The following CREBL2 variants were observed in gnomAD, a reference collection of about 807,000 sequenced individuals.
CREBL2 encodes the protein cAMP responsive element binding protein like 2, also known as cAMP-responsive element-binding protein-like 2.
CREBL2 carries 4 observed loss-of-function variants against 19.5 expected under a neutral mutation model. That is an observed-to-expected ratio of 0.20 (90% CI 0.10 to 0.47). The LOEUF is 0.47. Ranked by LOEUF, CREBL2 falls within the 20% of genes least tolerant of loss-of-function variation. The pLI, the probability that CREBL2 is intolerant of heterozygous loss-of-function variation, is 0.98. For synonymous variants in CREBL2, 42 were observed against 46.6 expected (o/e 0.90, Z 0.40); for missense variants, 85 against 145.1 (o/e 0.59, Z 2.13).
At position 12,625,315 on chromosome 12, in the gene CREBL2, G is replaced by C. The variant is rs151099187; in HGVS notation, c.16-10462G>C. Among the ~76,000 whole-genome samples the C allele has an allele frequency of 1.9e-3, 293 of 152,268 alleles. 2 individuals are homozygous for C. Among genetic ancestry groups the C allele is most frequent in the African/African-American group, 6.9e-3 (286 of 41,564 alleles). ...AAGAGAGAAATCAGAGGTTTATAAA[G>C]GAATACATTGGCATCACTTTAGTGG... On this transcript the variant is annotated intron_variant, in intron 1 of 3. Coordinates refer to ENST00000228865, the MANE Select transcript of CREBL2 (RefSeq NM_001310.4).
intron 1 of CREBL2, among the ~76,000 whole-genome samples, chr12:12,628,105 C>A (rs1945416699): frequency 6.6e-6 from 1 of 152,142 alleles, no homozygotes; most frequent in South Asian, 2.1e-4. Context: ...TGGTCTTGAT[C>A]TCTTGACATT....
intron 1 of CREBL2, among the ~76,000 whole-genome samples, chr12:12,634,848 G>T (rs1475191353): frequency 6.6e-6 from 1 of 152,112 alleles, no homozygotes; most frequent in Non-Finnish European, 1.5e-5. Flanking sequence ...TTGAGGCCGG[G>T]AGTTTGAGAC....
chr12:12,636,947 G>A (rs1945479777), intron 2 of CREBL2, among the ~76,000 whole-genome samples: 1 of 152,218 alleles, frequency 6.6e-6, no homozygotes, highest in Non-Finnish European at 1.5e-5. Context: ...GGAACATGAA[G>A]AGGAGGGACA....
intron 1 of CREBL2, among the ~76,000 whole-genome samples, chr12:12,632,307 G>C (rs1487624861): frequency 6.6e-6 from 1 of 151,612 alleles, no homozygotes. Context: ...TCGATCTCCT[G>C]ACCTCGTGAT....
chr12:12,613,990 C>CTTTT (rs57522744), intron 1 of CREBL2, among the ~76,000 whole-genome samples: 3 of 72,958 alleles, frequency 4.1e-5, no homozygotes, highest in Admixed American at 1.9e-4. Flanking sequence ...TCTTTTTTTT[C>CTTTT]TTTTTTTTTT....
At chr12:12,635,721 C>A in intron 1 of CREBL2, 56 bp from the exon 2 acceptor site, 1 of 1,536,304 alleles carries the variant, frequency 6.5e-7, no homozygotes, top group South Asian at 1.2e-5. Flanking sequence ...CAGCCATATT[C>A]ACTTTTCTGT....
intron 1 of CREBL2, among the ~76,000 whole-genome samples, chr12:12,629,918 AT>A: frequency 6.6e-6 from 1 of 152,086 alleles, no homozygotes; most frequent in East Asian, 1.9e-4. Context: ...ATAGTAATTG[AT>A]TTCTCAGTTG....
intron 1 of CREBL2, among the ~76,000 whole-genome samples, chr12:12,632,222 C>T (rs1004932152): frequency 3.3e-5 from 5 of 149,594 alleles, no homozygotes; most frequent in Non-Finnish European, 7.5e-5. Context: ...GGACTACAGG[C>T]GCCCGCCACT....
chr12:12,620,641 TTAAA>T (rs1282266725), intron 1 of CREBL2, among the ~76,000 whole-genome samples: 1 of 152,238 alleles, frequency 6.6e-6, no homozygotes, highest in Non-Finnish European at 1.5e-5. Context: ...AAATCTAAGT[TTAAA>T]TAACCTTAAT....
chr12:12,638,005 C>T (rs1458130491), intron 3 of CREBL2, among the ~76,000 whole-genome samples: 1 of 151,810 alleles, frequency 6.6e-6, no homozygotes, highest in Non-Finnish European at 1.5e-5. Flanking sequence ...ATCATGAAAC[C>T]CTGTCTCAAA....
At chr12:12,612,333 G>C in intron 1 of CREBL2, 146 bp downstream of exon 1, 1 of 1,448,066 alleles carries the variant, frequency 6.9e-7, no homozygotes, top group Non-Finnish European at 9.4e-7. Context: ...CTGCCCGATG[G>C]TACCCAGCCA....
At chr12:12,639,822 C>T (rs1030611894) in intron 3 of CREBL2, among the ~76,000 whole-genome samples, 2 of 152,178 alleles carry the variant, frequency 1.3e-5, no homozygotes, top group African/African-American at 4.8e-5. Flanking sequence ...TGATGCCCGC[C>T]TGAGTCTCAG....
chr12:12,623,099 CTTTTT>C (rs5796501), intron 1 of CREBL2, among the ~76,000 whole-genome samples: 2 of 117,694 alleles, frequency 1.7e-5, no homozygotes, highest in Admixed American at 8.5e-5. Flanking sequence ...GTAACAACTT[CTTTTT>C]TTTTTTTTTT....
At chr12:12,641,252 TATTTTTTTTTA>T (rs1945516371) in intron 3 of CREBL2, among the ~76,000 whole-genome samples, 49 of 83,684 alleles carry the variant, frequency 5.9e-4, no homozygotes, top group African/African-American at 1.5e-3. Flanking sequence ...TTATTATTAT[TATTTTTTTTTA>T]TTTTTTTTTT....
intron 1 of CREBL2, among the ~76,000 whole-genome samples, chr12:12,634,477 A>G (rs1945460463): frequency 6.6e-6 from 1 of 152,168 alleles, no homozygotes; most frequent in Non-Finnish European, 1.5e-5. Flanking sequence ...AACAAATTTG[A>G]GGGAATTTAT....
At chr12:12,612,546 G>C (rs1171049893) in intron 1 of CREBL2, among the ~76,000 whole-genome samples, 1 of 152,056 alleles carries the variant, frequency 6.6e-6, no homozygotes, top group Non-Finnish European at 1.5e-5. Context: ...AGTGCACGCT[G>C]AACCAGCCTT....
chr12:12,642,124 G>T lies in CREBL2; in HGVS notation c.*126G>T. Reference sequence around the variant, plus strand: ...GCTCAGTAGTCATCTCTGTAAATCTGCAATTTCTACCAAAATGTGTGATCG... The same window carrying T: ...GCTCAGTAGTCATCTCTGTAAATCTTCAATTTCTACCAAAATGTGTGATCG... On this transcript the variant is annotated 3_prime_UTR_variant, in exon 4 of 4. Coordinates refer to ENST00000228865, the MANE Select transcript of CREBL2 (RefSeq NM_001310.4). The T allele has an allele frequency of 3.6e-6, 2 of 561,150 alleles. No individual in the cohort carries two copies. Among genetic ancestry groups the T allele is most frequent in the Non-Finnish European group, 6.0e-6 (2 of 333,492 alleles). The allele number at this position is 561,150 out of a possible 1,614,324, so 34.8% of individuals were successfully genotyped here.
chr12:12,642,143 GTGATCGTAGATCTCAAA>G lies in CREBL2; in HGVS notation c.*146_*162del, dbSNP rs1945527840. 1 of 485,374 alleles carries G rather than the reference GTGATCGTAGATCTCAAA, an allele frequency of 2.1e-6. No individual in the cohort carries two copies. Among genetic ancestry groups the G allele is most frequent in the Non-Finnish European group, 3.6e-6 (1 of 277,630 alleles). 30.1% of individuals were successfully genotyped at this position (485,374 alleles called of 1,614,324 possible). On this transcript the variant is annotated 3_prime_UTR_variant, in exon 4 of 4. Coordinates refer to ENST00000228865, the MANE Select transcript of CREBL2 (RefSeq NM_001310.4). Reference sequence around the variant, plus strand: ...AAATCTGCAATTTCTACCAAAATGTGTGATCGTAGATCTCAAAGGATCTTGCTTTAACTTTCAACACT... The same window carrying G: ...AAATCTGCAATTTCTACCAAAATGTGGGATCTTGCTTTAACTTTCAACACT...
intron 1 of CREBL2, chr12:12,614,230 G>C (rs1246850177): frequency 6.6e-6 from 1 of 152,004 alleles, no homozygotes; most frequent in Non-Finnish European, 1.5e-5. Flanking sequence ...AGTGACCTCA[G>C]GTGATCCGCC....
Sources: gnomAD v4.1 joint callset for allele counts (sites outside exome capture counted in the v4.1 genomes callset) on GRCh38, gnomAD v4.1.1 for gene constraint, MANE v1.5 for transcripts, NCBI Gene and HGNC (gene_info 2026-07-23, HGNC 2026-07-21) for gene names.